Variants in MTHFD1L observed in about 807,000 individuals in gnomAD.
MTHFD1L encodes methylenetetrahydrofolate dehydrogenase (NADP+ dependent) 1 like, also known as monofunctional C1-tetrahydrofolate synthase, mitochondrial.
Under a neutral mutation model 119.5 loss-of-function variants are expected in MTHFD1L, and 81 were observed. The observed-to-expected ratio is 0.68, with a 90% CI of 0.57 to 0.82. MTHFD1L has a LOEUF of 0.82. MTHFD1L is among the 40% of genes least tolerant of loss of function. The probability of loss-of-function intolerance (pLI) is 0.00; values close to 1 mark genes in which losing one functional copy is unlikely to be tolerated. For missense variants in MTHFD1L, 1,125 were observed against 1,253.4 expected (o/e 0.90, Z 1.55); for synonymous variants, 430 against 475.2 (o/e 0.90, Z 1.24).
intron 24 of MTHFD1L, chr6:151,022,407 A>G (rs977627540): frequency 5.1e-6 from 1 of 195,254 alleles, no homozygotes; most frequent in Non-Finnish European, 1.1e-5. Context: ...CCATTGTGGT[A>G]AAAATATGTA....
At position 151,096,518 on chromosome 6, in the gene MTHFD1L, A is replaced by G. The variant is rs77897746; in HGVS notation, c.*31+3931A>G. ...TTGTCTGTTTCCCGTGCCTCTCACT[A>G]TAGCCATCAGGGACCACTTCTACTA... On this transcript the variant is annotated intron_variant, in intron 27 of 27. Transcript: ENST00000367321. Among the ~76,000 whole-genome samples, 126 of 152,310 alleles carry G rather than the reference A, an allele frequency of 8.3e-4. 1 individual carries two copies. The highest frequency in any genetic ancestry group is 2.8e-3 in the African/African-American group (116 of 41,572).
chr6:151,016,760 A>G (rs1397092380), intron 24 of MTHFD1L: 3 of 335,662 alleles, frequency 8.9e-6, no homozygotes, highest in Non-Finnish European at 1.7e-5. Context: ...AAAATTTACT[A>G]TCTTAGCCTT....
At chr6:150,948,897 T>C (rs1794458447) in intron 15 of MTHFD1L, 134 bp from the exon 16 acceptor site, 2 of 698,874 alleles carry the variant, frequency 2.9e-6, no homozygotes, top group Non-Finnish European at 4.7e-6. Context: ...CACCTTGGCT[T>C]CCCAAAGTGC....
chr6:150,955,439 T>C (rs1319449043), intron 16 of MTHFD1L, among the ~76,000 whole-genome samples: 1 of 152,020 alleles, frequency 6.6e-6, no homozygotes, highest in Non-Finnish European at 1.5e-5. Flanking sequence ...TACAGATATC[T>C]GAGTGTCTCC....
Position 151,014,825 on chromosome 6 carries a change from G to A in MTHFD1L, c.2308-55G>A, listed in dbSNP as rs547843967. 4.9e-6 allele frequency: 7 copies of A among 1,426,420 alleles called. No individual in the cohort carries two copies. The South Asian group carries it at 7.2e-5, about 15-fold the overall frequency. 88.4% of individuals were successfully genotyped at this position (1,426,420 alleles called of 1,614,324 possible). A position where few individuals can be genotyped will look rare whatever the true frequency, so the allele number is the denominator to read the frequency against. On this transcript the variant is annotated intron_variant, in intron 22 of 27. Transcript: ENST00000367321. ...AGGTGCTGGCAGTTTAGCTTGGCAG[G>A]TTTGGTGGGAGACAATACACAGGGG...
At chr6:150,868,341 T>A (rs1778789631) in intron 1 of MTHFD1L, among the ~76,000 whole-genome samples, 1 of 50,312 alleles carries the variant, frequency 2.0e-5, no homozygotes, top group Non-Finnish European at 3.6e-5. Context: ...GGCTATTAAT[T>A]TTTTTTTTTT....
chr6:151,035,361 A>C (rs1786011338), intron 25 of MTHFD1L, among the ~76,000 whole-genome samples: 1 of 152,208 alleles, frequency 6.6e-6, no homozygotes, highest in South Asian at 2.1e-4. Flanking sequence ...TGGCTAAAGA[A>C]CTTCATGATG....
At chr6:150,990,316 A>G (rs561049117) in intron 20 of MTHFD1L, among the ~76,000 whole-genome samples, 164 of 152,220 alleles carry the variant, frequency 1.1e-3, no homozygotes, top group Non-Finnish European at 2.0e-3. Context: ...ATGATGGATG[A>G]TTAAACTAAT....
At chr6:151,100,833 A>C (rs1737570703) in intron 27 of MTHFD1L, among the ~76,000 whole-genome samples, 1 of 152,082 alleles carries the variant, frequency 6.6e-6, no homozygotes, top group Non-Finnish European at 1.5e-5. Flanking sequence ...TATAAAACCT[A>C]AAAATCCAAG....
chr6:151,099,436 T>G (rs1584471704), intron 27 of MTHFD1L: 1 of 876,164 alleles, frequency 1.1e-6, no homozygotes, highest in Non-Finnish European at 1.9e-6. Flanking sequence ...AGGCTGGCCG[T>G]GTCTCTGAAA....
intron 26 of MTHFD1L, among the ~76,000 whole-genome samples, chr6:151,075,471 A>G (rs1159866493): frequency 6.6e-6 from 1 of 152,144 alleles, no homozygotes; most frequent in Non-Finnish European, 1.5e-5. Flanking sequence ...TAAGCATATA[A>G]TAACAGAGCA....
At chr6:150,978,951 T>G (rs1413391452) in intron 20 of MTHFD1L, among the ~76,000 whole-genome samples, 2 of 152,102 alleles carry the variant, frequency 1.3e-5, no homozygotes, top group African/African-American at 4.8e-5. Context: ...CATTAAAAAA[T>G]AATTTTAGCT....
chr6:150,933,683 T>A (rs2128929165), intron 11 of MTHFD1L, among the ~76,000 whole-genome samples: 1 of 152,348 alleles, frequency 6.6e-6, no homozygotes, highest in South Asian at 2.1e-4. Context: ...TCCTGCTTCC[T>A]GCCTCAGTGG....
rs111844765 is a variant in MTHFD1L at position 150,934,875 on chromosome 6, G to A, written c.1257-1929G>A. 1.6e-3 allele frequency: 2,274 copies of A among 1,441,166 alleles called. 4 individuals are homozygous for A. The highest frequency in any genetic ancestry group is 1.9e-3 in the Non-Finnish European group (2,016 of 1,080,342). 89.3% of individuals were successfully genotyped at this position (1,441,166 alleles called of 1,614,324 possible). On this transcript the variant is annotated intron_variant, in intron 11 of 27. Transcript: ENST00000367321. ...TCATTTGGACCCAAACTCCAGATCG[G>A]GAGCAGTCTTATAGCTGGATCAGCT...
intron 1 of MTHFD1L, among the ~76,000 whole-genome samples, chr6:150,873,252 T>C (rs1456574451): frequency 1.3e-5 from 2 of 151,914 alleles, no homozygotes; most frequent in Non-Finnish European, 2.9e-5. Flanking sequence ...GAGATGGAGG[T>C]TGCAGTGAGC....
chr6:151,025,936 C>T (rs190069544), intron 24 of MTHFD1L, among the ~76,000 whole-genome samples: 73 of 152,272 alleles, frequency 4.8e-4, no homozygotes, highest in African/African-American at 1.7e-3. Flanking sequence ...TAAGATGAGA[C>T]GCCCCTACTA....
intron 5 of MTHFD1L, 113 bp downstream of exon 5, chr6:150,882,999 A>AT (rs1472334579): frequency 8.3e-6 from 9 of 1,081,542 alleles, no homozygotes; most frequent in African/African-American, 5.1e-5. Flanking sequence ...CAGTAATTGG[A>AT]TAAAAAAATC....
intron 26 of MTHFD1L, among the ~76,000 whole-genome samples, chr6:151,062,309 G>T (rs1371965427): frequency 1.3e-5 from 2 of 152,126 alleles, no homozygotes; most frequent in African/African-American, 4.8e-5. Flanking sequence ...TTGGTGGCGT[G>T]CACCTGTAGT....
intron 7 of MTHFD1L, among the ~76,000 whole-genome samples, chr6:150,901,913 A>G: frequency 6.6e-6 from 1 of 152,168 alleles, no homozygotes; most frequent in East Asian, 1.9e-4. Flanking sequence ...GGACATAGAA[A>G]CAGTTTTCAT....
Sources: gnomAD v4.1 joint callset for allele counts (sites outside exome capture counted in the v4.1 genomes callset) on GRCh38, gnomAD v4.1.1 for gene constraint, MANE v1.5 for transcripts, NCBI Gene and HGNC (gene_info 2026-07-23, HGNC 2026-07-21) for gene names.